GMPS: variants seen among roughly 807,000 people sequenced by gnomAD.
GMPS encodes GMP synthase [glutamine-hydrolyzing].
In GMPS, 15 loss-of-function variants were observed where a neutral mutation model predicts 77.9. The ratio of observed to expected loss-of-function variants is 0.19; its 90% confidence interval spans 0.13 to 0.30. GMPS has a LOEUF of 0.30. GMPS is among the 10% of genes least tolerant of loss of function. GMPS has a pLI of 1.00. For synonymous variants in GMPS, 224 were observed against 275.9 expected (o/e 0.81, Z 1.86); for missense variants, 590 against 838.8 (o/e 0.70, Z 3.66).
chr3:155,898,162 G>A, intron 3 of GMPS, 121 bp downstream of exon 3: 1 of 694,368 alleles, frequency 1.4e-6, no homozygotes, highest in Non-Finnish European at 2.6e-6. Context: ...GATAACTTGT[G>A]CATGTTACAA....
chr3:155,880,652 C>G (rs1022572608), intron 1 of GMPS, among the ~76,000 whole-genome samples: 1 of 152,142 alleles, frequency 6.6e-6, no homozygotes, highest in Non-Finnish European at 1.5e-5. Flanking sequence ...TAAATAGAAT[C>G]AGAAGCACTC....
At chr3:155,882,022 C>T (rs1754218003) in intron 1 of GMPS, among the ~76,000 whole-genome samples, 1 of 151,858 alleles carries the variant, frequency 6.6e-6, no homozygotes, top group Non-Finnish European at 1.5e-5. Flanking sequence ...GAGCTGAGGT[C>T]GCACCACCGC....
intron 3 of GMPS, among the ~76,000 whole-genome samples, chr3:155,898,985 C>A (rs536662415): frequency 6.6e-6 from 1 of 152,300 alleles, no homozygotes; most frequent in East Asian, 1.9e-4. Context: ...AATCTTAGCA[C>A]TTTGGGAGGC....
chr3:155,893,224 G>T (rs1458563732), intron 1 of GMPS, among the ~76,000 whole-genome samples: 1 of 152,200 alleles, frequency 6.6e-6, no homozygotes, highest in African/African-American at 2.4e-5. Flanking sequence ...CAGCTGGATT[G>T]TGTGCTCATC....
intron 1 of GMPS, among the ~76,000 whole-genome samples, chr3:155,892,940 C>G (rs1234085271): frequency 6.6e-6 from 1 of 152,060 alleles, no homozygotes; most frequent in African/African-American, 2.4e-5. Context: ...CCTAAAAGGC[C>G]TTTTAAAAAT....
chr3:155,914,501 T>C lies in GMPS; in HGVS notation c.969T>C (p.Ile323=), dbSNP rs1755121703. Residue 323 remains isoleucine (I), a synonymous_variant, in exon 8 of 16, where the codon ATT becomes ATC. Coordinates refer to ENST00000496455, the MANE Select transcript of GMPS (RefSeq NM_003875.3). ...SDEDRTPRKR[I]SKTLNMTTSP... ...AAGATAGAACCCCACGGAAAAGAAT[T>C]AGCAAAACGTTAAATATGACCACAA... 6.2e-7 allele frequency: 1 copy of C among 1,605,504 alleles called. No individual in the cohort carries two copies. Among genetic ancestry groups the C allele is most frequent in the Non-Finnish European group, 8.5e-7 (1 of 1,176,364 alleles).
intron 1 of GMPS, among the ~76,000 whole-genome samples, chr3:155,889,578 A>C (rs572219929): frequency 6.6e-6 from 1 of 152,176 alleles, no homozygotes; most frequent in Non-Finnish European, 1.5e-5. Flanking sequence ...TGGCTGTGGT[A>C]GTTTGTCACC....
intron 12 of GMPS, among the ~76,000 whole-genome samples, chr3:155,927,498 T>G (rs902856549): frequency 9.9e-5 from 15 of 152,202 alleles, no homozygotes; most frequent in Admixed American, 7.2e-4. Flanking sequence ...AAAATGAAAC[T>G]TATTCAGGCT....
At chr3:155,898,985 C>T (rs536662415) in intron 3 of GMPS, among the ~76,000 whole-genome samples, 2 of 152,182 alleles carry the variant, frequency 1.3e-5, no homozygotes, top group African/African-American at 4.8e-5. Context: ...AATCTTAGCA[C>T]TTTGGGAGGC....
chr3:155,933,616 C>G lies in GMPS; in HGVS notation c.1677-1300C>G, dbSNP rs528628279. On this transcript the variant is annotated intron_variant, in intron 13 of 15. Coordinates refer to ENST00000496455, the MANE Select transcript of GMPS (RefSeq NM_003875.3). ...AGTTGGTGATACCGGTGGTTTTGTG[C>G]TAATATGGTTTTCTATTGTGTATTT... is the stretch of plus-strand genomic sequence containing the variant. 1.1e-4 allele frequency among the ~76,000 whole-genome samples: 17 copies of G among 152,158 alleles called. No individual in the cohort carries two copies. The South Asian group carries it at 3.3e-3, about 30-fold the overall frequency.
intron 11 of GMPS, among the ~76,000 whole-genome samples, chr3:155,922,819 A>G (rs563909452): frequency 6.6e-6 from 1 of 152,308 alleles, no homozygotes; most frequent in East Asian, 1.9e-4. Flanking sequence ...ACTTTATTCT[A>G]CAGATTTGGG....
chr3:155,892,188 A>G (rs576807037), intron 1 of GMPS, among the ~76,000 whole-genome samples: 2 of 152,262 alleles, frequency 1.3e-5, no homozygotes, highest in African/African-American at 4.8e-5. Context: ...CACTCTTAAT[A>G]TTTTGGTGTA....
chr3:155,941,451 A>G lies in GMPS; in HGVS notation c.*3759A>G. On this transcript the variant is annotated 3_prime_UTR_variant, in exon 16 of 16. Coordinates refer to ENST00000496455, the MANE Select transcript of GMPS (RefSeq NM_003875.3). ...CTTAGTGTGTAATTGACCATCAGGG[A>G]TAAATGGGCTTCAAAAGTGTTAATT... is the stretch of plus-strand genomic sequence containing the variant. The G allele has an allele frequency of 5.0e-6, 1 of 200,638 alleles. No individual in the cohort carries two copies. The highest frequency in any genetic ancestry group is 1.0e-5 in the Non-Finnish European group (1 of 98,010). 12.4% of individuals were successfully genotyped at this position (200,638 alleles called of 1,614,324 possible).
chr3:155,879,337 A>AGTGGT (rs1560035138), intron 1 of GMPS, among the ~76,000 whole-genome samples: 2 of 139,212 alleles, frequency 1.4e-5, no homozygotes, highest in African/African-American at 2.7e-5. Flanking sequence ...GTGCTATCTC[A>AGTGGT]GCTCACTGCA....
At chr3:155,902,469 G>A (rs564317275) in intron 3 of GMPS, among the ~76,000 whole-genome samples, 33 of 152,274 alleles carry the variant, frequency 2.2e-4, no homozygotes, top group African/African-American at 7.9e-4. Context: ...TTTGTGATGT[G>A]TGAAAAATAA....
intron 5 of GMPS, 141 bp downstream of exon 5, chr3:155,906,404 G>GAA (rs2108095005): frequency 1.9e-6 from 1 of 530,546 alleles, no homozygotes; most frequent in East Asian, 3.0e-5. Context: ...AATAATGAAT[G>GAA]TAGGATTAAC....
At chr3:155,884,305 G>A (rs1302908319) in intron 1 of GMPS, among the ~76,000 whole-genome samples, 1 of 150,690 alleles carries the variant, frequency 6.6e-6, no homozygotes, top group Non-Finnish European at 1.5e-5. Context: ...ACAATCACTT[G>A]AACCTGGGAG....
intron 4 of GMPS, among the ~76,000 whole-genome samples, chr3:155,904,694 G>A (rs1272273131): frequency 1.3e-5 from 2 of 152,204 alleles, no homozygotes; most frequent in Non-Finnish European, 2.9e-5. Flanking sequence ...GAAATCCAGT[G>A]CTTGTTCAGC....
At chr3:155,881,586 G>A (rs909643730) in intron 1 of GMPS, among the ~76,000 whole-genome samples, 7 of 152,098 alleles carry the variant, frequency 4.6e-5, no homozygotes, top group East Asian at 1.9e-4. Context: ...CTATTGCCAC[G>A]GTAATGGTAA....
Sources: gnomAD v4.1 joint callset for allele counts (sites outside exome capture counted in the v4.1 genomes callset) on GRCh38, gnomAD v4.1.1 for gene constraint, MANE v1.5 for transcripts, NCBI Gene and HGNC (gene_info 2026-07-23, HGNC 2026-07-21) for gene names.